MINPP1: variants seen among roughly 807,000 people sequenced by gnomAD.
MINPP1 encodes the protein multiple inositol-polyphosphate phosphatase 1.
A neutral mutation model predicts 46.1 loss-of-function variants in MINPP1; 28 were observed. The observed-to-expected ratio is 0.61, with a 90% CI of 0.45 to 0.83. The LOEUF is 0.83. Among genes scored for constraint, MINPP1 ranks in the 40% least tolerant of loss-of-function variants. The pLI is 0.00. For synonymous variants in MINPP1, 268 were observed against 249.1 expected, an observed-to-expected ratio of 1.08 and a Z score of -0.72; for missense variants, 603 against 610.0, an observed-to-expected ratio of 0.99 and a Z score of 0.12.
At chr10:87,507,198 A>G (rs1851264550) in intron 1 of MINPP1, among the ~76,000 whole-genome samples, 1 of 152,182 alleles carries the variant, frequency 6.6e-6, no homozygotes, top group Admixed American at 6.5e-5. Context: ...ATTATTCTCT[A>G]TAGACAATAG....
chr10:87,519,053 A>G (rs1404098890), intron 3 of MINPP1, among the ~76,000 whole-genome samples: 2 of 152,140 alleles, frequency 1.3e-5, no homozygotes, highest in Non-Finnish European at 2.9e-5. Context: ...CGCACAGGTG[A>G]AAGGGAGGCA....
At chr10:87,538,659 T>C (rs1200107165) in intron 4 of MINPP1, among the ~76,000 whole-genome samples, 1 of 152,252 alleles carries the variant, frequency 6.6e-6, no homozygotes, top group Admixed American at 6.5e-5. Flanking sequence ...CAATTAGATG[T>C]GGAAGACTTA....
chr10:87,533,467 A>G (rs552082208), intron 4 of MINPP1, among the ~76,000 whole-genome samples: 2 of 152,286 alleles, frequency 1.3e-5, no homozygotes, highest in Non-Finnish European at 1.5e-5. Context: ...TGTGATTAGA[A>G]AAGCAGATTG....
intron 3 of MINPP1, among the ~76,000 whole-genome samples, chr10:87,516,506 G>A (rs73344275): frequency 0.12 from 12,012 of 104,216 alleles, 3,963 homozygotes; most frequent in Middle Eastern, 0.22. Context: ...GTCAAGGAGC[G>A]CACTGAAAGT....
intron 4 of MINPP1, among the ~76,000 whole-genome samples, chr10:87,542,442 G>A (rs1564682322): frequency 6.6e-6 from 1 of 152,024 alleles, no homozygotes; most frequent in Admixed American, 6.5e-5. Context: ...TAGGACCTCA[G>A]GAGTGCACCA....
intron 4 of MINPP1, among the ~76,000 whole-genome samples, chr10:87,527,253 GT>G (rs1851591044): frequency 6.6e-6 from 1 of 152,064 alleles, no homozygotes; most frequent in Admixed American, 6.6e-5. Context: ...CCTTGAAGAG[GT>G]CCTTCACATC....
At position 87,504,967 on chromosome 10, in the gene MINPP1, G is replaced by T. The variant is rs946590064; in HGVS notation, c.52G>T (p.Ala18Ser). The T allele has an allele frequency of 2.5e-6, 4 of 1,611,994 alleles. No homozygotes were observed. The highest frequency in any genetic ancestry group is 3.4e-6 in the Non-Finnish European group (4 of 1,179,528). Reference protein sequence around the residue: ...LLRTSVAPAAALAAALLSSLA... With the variant: ...LLRTSVAPAASLAAALLSSLA... Reference sequence around the variant, plus strand: ...CCGGACCTCCGTAGCGCCTGCCGCGGCCCTGGCTGCGGCGCTGCTCTCGTC... The same window carrying T: ...CCGGACCTCCGTAGCGCCTGCCGCGTCCCTGGCTGCGGCGCTGCTCTCGTC... Residue 18 changes from alanine to serine, a missense_variant, in exon 1 of 5, where the codon GCC (alanine) becomes TCC (serine). Transcript: ENST00000371996.
chr10:87,505,535 C>T lies in MINPP1; in HGVS notation c.620C>T (p.Pro207Leu). 2 of 1,607,572 alleles carry T rather than the reference C, an allele frequency of 1.2e-6. No homozygotes were observed. Residue 207 changes from proline to leucine, a missense_variant, in exon 1 of 5, where the codon CCG (proline) becomes CTG (leucine). Transcript: ENST00000371996. This position sits in a 1 kb window ranked among gnomAD's most constrained non-coding sequence, Gnocchi z 4.4. ...GLWQHYHPGLPPPDVADMEFG... is the reference protein window; with the variant it reads ...GLWQHYHPGLLPPDVADMEFG... Reference sequence around the variant, plus strand: ...TGGCAGCACTACCACCCTGGCTTGCCGCCGCCGGACGTCGCAGGTGACCCC... The same window carrying T: ...TGGCAGCACTACCACCCTGGCTTGCTGCCGCCGGACGTCGCAGGTGACCCC...
chr10:87,540,953 G>A (rs949253059), intron 4 of MINPP1, among the ~76,000 whole-genome samples: 3 of 151,926 alleles, frequency 2.0e-5, no homozygotes, highest in Non-Finnish European at 4.4e-5. Flanking sequence ...TTTGTTTTTC[G>A]GTGTTTAAAA....
At position 87,516,489 on chromosome 10, in the gene MINPP1, G is replaced by A. The variant is rs1208201648; in HGVS notation, c.933+3268G>A. Among the ~76,000 whole-genome samples the A allele has an allele frequency of 2.9e-5, 3 of 104,880 alleles. 1 individual carries two copies. The highest frequency in any genetic ancestry group is 2.7e-4 in the Admixed American group (3 of 11,200). The allele number at this position is 104,880 out of a possible 152,430, so 68.8% of individuals were successfully genotyped here. The stretch of plus-strand genomic sequence containing the variant: ...AATGGATTTATCCAGACATAGCCTC[G>A]TTGTAAGTCAAGGAGCGCACTGAAA... On this transcript the variant is annotated intron_variant, in intron 3 of 4. Transcript: ENST00000371996.
chr10:87,507,000 A>G (rs1047095983), intron 1 of MINPP1, among the ~76,000 whole-genome samples: 2 of 152,362 alleles, frequency 1.3e-5, no homozygotes, highest in African/African-American at 2.4e-5. Context: ...AAAGCAGAAC[A>G]TATTTTAATA....
At chr10:87,550,316 A>G (rs1851944690) in intron 4 of MINPP1, among the ~76,000 whole-genome samples, 1 of 152,214 alleles carries the variant, frequency 6.6e-6, no homozygotes, top group Admixed American at 6.5e-5. Context: ...GCTTCTTGGA[A>G]ATAAATACAG....
At position 87,552,120 on chromosome 10, in the gene MINPP1, G is replaced by T. The variant is rs369261111; in HGVS notation, c.1106G>T (p.Gly369Val). Reference protein sequence around the residue: ...PISSPVILQFGHAETLLPLLS... With the variant: ...PISSPVILQFVHAETLLPLLS... ...TCTTCTCCAGTCATCCTCCAGTTTG[G>T]TCATGCAGAGACTCTTCTTCCACTG... Residue 369 changes from glycine (G) to valine (V), a missense_variant, in exon 5 of 5, where the codon GGT becomes GTT. Gly to Val is a moderately radical substitution (Grantham distance 109, BLOSUM62 -3). Coordinates refer to ENST00000371996, the MANE Select transcript of MINPP1 (RefSeq NM_004897.5). The T allele has an allele frequency of 6.2e-7, 1 of 1,613,336 alleles. No homozygotes were observed. The highest frequency in any genetic ancestry group is 1.3e-5 in the African/African-American group (1 of 74,852).
intron 3 of MINPP1, among the ~76,000 whole-genome samples, chr10:87,519,682 A>G (rs144136817): frequency 7.9e-5 from 12 of 152,238 alleles, no homozygotes; most frequent in Non-Finnish European, 1.6e-4. Flanking sequence ...TATATATGGC[A>G]CTGACCCACC....
At chr10:87,547,573 C>G (rs905503916) in intron 4 of MINPP1, among the ~76,000 whole-genome samples, 3 of 151,878 alleles carry the variant, frequency 2.0e-5, no homozygotes, top group Non-Finnish European at 4.4e-5. Context: ...TATGGTATAC[C>G]TGTGGTTTTG....
Position 87,523,085 on chromosome 10 carries a change from T to G in MINPP1, c.1067+1916T>G, listed in dbSNP as rs530529259. Among the ~76,000 whole-genome samples the G allele has an allele frequency of 3.3e-5, 5 of 152,326 alleles. No individual in the cohort carries two copies. The East Asian group carries it at 9.6e-4, about 29-fold the overall frequency. ...CACATCTTTGGGCACCACTTGTAATTTTCTTGCTATTTCCACCACATCTGC... is the reference window on the plus strand; with the variant it reads ...CACATCTTTGGGCACCACTTGTAATGTTCTTGCTATTTCCACCACATCTGC... On this transcript the variant is annotated intron_variant, in intron 4 of 4. Transcript: ENST00000371996.
rs1851237448 is a variant in MINPP1 at position 87,505,716 on chromosome 10, C to G, written c.637+164C>G. Among the ~76,000 whole-genome samples the G allele has an allele frequency of 6.6e-6, 1 of 152,158 alleles. No individual in the cohort carries two copies. Among genetic ancestry groups the G allele is most frequent in the African/African-American group, 2.4e-5 (1 of 41,448 alleles). On this transcript the variant is annotated intron_variant, in intron 1 of 4. Coordinates refer to ENST00000371996, the MANE Select transcript of MINPP1 (RefSeq NM_004897.5). This position sits in a 1 kb window ranked among gnomAD's most constrained non-coding sequence, Gnocchi z 4.4. ...ACGTCCTCCCTGTCGAGGGATATTA[C>G]AGACTTGGCTATCTCTTTTTCCCCT...
chr10:87,518,836 T>TG (rs1374339601), intron 3 of MINPP1, among the ~76,000 whole-genome samples: 2 of 152,198 alleles, frequency 1.3e-5, no homozygotes, highest in African/African-American at 4.8e-5. Flanking sequence ...GGGCGAGATA[T>TG]GGGGGAAGGG....
chr10:87,549,577 T>C (rs184353495), intron 4 of MINPP1, among the ~76,000 whole-genome samples: 5 of 152,294 alleles, frequency 3.3e-5, no homozygotes, highest in Admixed American at 3.3e-4. Flanking sequence ...GAATGTAAAG[T>C]TTACTAATGG....
Sources: allele counts gnomAD v4.1 joint callset (sites outside exome capture counted in the v4.1 genomes callset), GRCh38; gene constraint gnomAD v4.1.1; non-coding constraint Gnocchi (gnomAD v3.1); transcripts MANE v1.5; gene names NCBI Gene and HGNC (gene_info 2026-07-23, HGNC 2026-07-21).